PLAUR: variants seen among roughly 807,000 people sequenced by gnomAD.
The protein encoded by PLAUR is urokinase plasminogen activator surface receptor.
In PLAUR, 22 loss-of-function variants were observed where a neutral mutation model predicts 33.4. That is an observed-to-expected ratio of 0.66 (90% CI 0.47 to 0.94). The LOEUF is 0.94. PLAUR is among the 40% of genes least tolerant of loss of function. The pLI is 0.00. For missense variants in PLAUR, 408 were observed against 434.7 expected, an observed-to-expected ratio of 0.94 and a Z score of 0.55; for synonymous variants, 148 against 167.3, an observed-to-expected ratio of 0.88 and a Z score of 0.89.
chr19:43,658,547 G>A (rs1974303890), intron 3 of PLAUR, among the ~76,000 whole-genome samples: 1 of 152,034 alleles, frequency 6.6e-6, no homozygotes, highest in South Asian at 2.1e-4. Context: ...TGATCACTTC[G>A]CCTTTTGCAC....
At chr19:43,655,390 G>A in intron 5 of PLAUR, 49 bp downstream of exon 5, 3 of 1,595,954 alleles carry the variant, frequency 1.9e-6, no homozygotes, top group Non-Finnish European at 8.6e-7. Context: ...CTGCCTGAGT[G>A]CATGCCCCTG....
chr19:43,652,252 G>C lies in PLAUR; in HGVS notation c.727C>G (p.Gln243Glu). ...FLIDCRGPMN[Q>E]CLVATGTHEP... is the part of the protein sequence containing the mutation. ...TGAGTGCCGGTGGCTACCAGACATT[G>C]ATTCATGGGGCCTCGGCAGTCAATG... is the stretch of plus-strand genomic sequence containing the variant. Residue 243 changes from glutamine to glutamate, a missense_variant, in exon 6 of 7, where the codon CAA becomes GAA. By Grantham distance (29) the Gln-to-Glu change is conservative. Coordinates refer to ENST00000340093, the MANE Select transcript of PLAUR (RefSeq NM_002659.4). 4 of 1,614,104 alleles carry C rather than the reference G, an allele frequency of 2.5e-6. No individual in the cohort carries two copies. The highest frequency in any genetic ancestry group is 3.4e-6 in the Non-Finnish European group (4 of 1,180,000).
Position 43,655,478 on chromosome 19 carries a change from G to A in PLAUR, c.568C>T (p.Leu190=), listed in dbSNP as rs763830901. Residue 190 remains leucine (L), a synonymous_variant, in exon 5 of 7, where the codon CTG becomes TTG. Coordinates refer to ENST00000340093, the MANE Select transcript of PLAUR (RefSeq NM_002659.4). ...CATTTGGTGGTGTTGCAGCATTTCAGGAAGTGGAAGGTGTCGTTGTTGTGG... is the reference window on the plus strand; with the variant it reads ...CATTTGGTGGTGTTGCAGCATTTCAAGAAGTGGAAGGTGTCGTTGTTGTGG... ...GFHNNDTFHF[L]KCCNTTKCNE... is the part of the protein sequence containing the mutation. 9.9e-6 allele frequency: 16 copies of A among 1,614,184 alleles called. No individual in the cohort carries two copies. The East Asian group carries it at 3.1e-4, about 31-fold the overall frequency.
At chr19:43,659,193 C>A (rs1223051140) in intron 3 of PLAUR, among the ~76,000 whole-genome samples, 2 of 49,506 alleles carry the variant, frequency 4.0e-5, no homozygotes, top group East Asian at 1.3e-3. Flanking sequence ...GAGATAGGGT[C>A]TTGCTCTGTC....
At chr19:43,660,974 C>T (rs1157033574) in intron 3 of PLAUR, 4 of 152,060 alleles carry the variant, frequency 2.6e-5, no homozygotes, top group Admixed American at 2.6e-4. Context: ...AGATGCTTAC[C>T]AAGGCCTCTT....
rs201323349 is a variant in PLAUR at position 43,667,696 on chromosome 19, G to A, written c.56-5C>T. The A allele has an allele frequency of 2.4e-4, 382 of 1,613,486 alleles. No individual in the cohort carries two copies. Among genetic ancestry groups the A allele is most frequent in the Non-Finnish European group, 3.1e-4 (368 of 1,179,800 alleles). ...TGCACCGCAGGCCCCAAGAGGCTGGGGGAAGGAGGGAGAGGAGAGGAGAGG... is the reference window on the plus strand; with the variant it reads ...TGCACCGCAGGCCCCAAGAGGCTGGAGGAAGGAGGGAGAGGAGAGGAGAGG... On this transcript the variant is annotated splice_polypyrimidine_tract_variant and splice_region_variant and intron_variant, in intron 1 of 6. Transcript: ENST00000340093.
intron 3 of PLAUR, among the ~76,000 whole-genome samples, chr19:43,662,294 G>A (rs986386270): frequency 6.2e-4 from 94 of 151,938 alleles, no homozygotes; most frequent in African/African-American, 2.1e-3. Context: ...TCAAGAGTTC[G>A]AGACCAGCCT....
At chr19:43,659,391 G>T (rs948987124) in intron 3 of PLAUR, among the ~76,000 whole-genome samples, 5 of 151,984 alleles carry the variant, frequency 3.3e-5, no homozygotes, top group Non-Finnish European at 1.5e-5. Flanking sequence ...GGACTCAAAT[G>T]ATCCTGCCGC....
At chr19:43,655,613 G>C (rs745641273) in intron 4 of PLAUR, 40 bp from the exon 5 acceptor site, 2 of 1,588,798 alleles carry the variant, frequency 1.3e-6, no homozygotes, top group South Asian at 2.2e-5. Flanking sequence ...GTCAGATTGT[G>C]AATGAGGGAC....
Position 43,656,607 on chromosome 19 carries a change from A to G in PLAUR, c.344T>C (p.Leu115Pro). The G allele has an allele frequency of 6.2e-7, 1 of 1,610,172 alleles. No individual in the cohort carries two copies. The highest frequency in any genetic ancestry group is 8.5e-7 in the Non-Finnish European group (1 of 1,177,752). ...TGATGAGCCACAGGAAATGCATTCGAGGTAACGGCTTCGGGAATAGGTGAC... is the reference window on the plus strand; with the variant it reads ...TGATGAGCCACAGGAAATGCATTCGGGGTAACGGCTTCGGGAATAGGTGAC... ...RAVTYSRSRY[L>P]ECISCGSSDM... is the part of the protein sequence containing the mutation. Residue 115 changes from leucine to proline, a missense_variant, in exon 4 of 7, where the codon CTC becomes CCC. Leu to Pro is a moderately conservative substitution (Grantham distance 98). Transcript: ENST00000340093.
chr19:43,656,080 C>T (rs1333662032), intron 4 of PLAUR, among the ~76,000 whole-genome samples: 1 of 151,878 alleles, frequency 6.6e-6, no homozygotes, highest in Non-Finnish European at 1.5e-5. Flanking sequence ...TGGTGAAACC[C>T]CATCTCTACT....
At chr19:43,650,289 G>A (rs374113625) in intron 6 of PLAUR, among the ~76,000 whole-genome samples, 3 of 150,166 alleles carry the variant, frequency 2.0e-5, no homozygotes, top group Admixed American at 6.6e-5. Flanking sequence ...TATTACAGGC[G>A]TGAGCCACCG....
chr19:43,654,304 A>G (rs1286862678), intron 5 of PLAUR, among the ~76,000 whole-genome samples: 1 of 151,754 alleles, frequency 6.6e-6, no homozygotes, highest in Non-Finnish European at 1.5e-5. Context: ...GAAAACACAA[A>G]ACCCCAAAAA....
chr19:43,668,086 G>A (rs1008244892), intron 1 of PLAUR: 2 of 1,031,902 alleles, frequency 1.9e-6, no homozygotes, highest in African/African-American at 3.4e-5. Context: ...GTTCTGCTGG[G>A]GACGTTCTAG....
downstream of PLAUR, among the ~76,000 whole-genome samples, chr19:43,647,999 C>T (rs4251931): frequency 0.12 from 17,063 of 140,404 alleles, 1,893 homozygotes; most frequent in African/African-American, 0.3. Flanking sequence ...GGGTGCTTAT[C>T]TAGGTTCGGA....
At chr19:43,668,984 C>A (rs1347443144) in intron 1 of PLAUR, among the ~76,000 whole-genome samples, 1 of 152,212 alleles carries the variant, frequency 6.6e-6, no homozygotes, top group African/African-American at 2.4e-5. Context: ...AGGCCCGGTC[C>A]CCGACCTCCG....
intron 3 of PLAUR, among the ~76,000 whole-genome samples, chr19:43,660,153 C>CGTTTTGTTTTGTTTTGTTTT (rs10524578): frequency 8.1e-5 from 12 of 148,354 alleles, no homozygotes; most frequent in South Asian, 4.2e-4. Flanking sequence ...CAGAGTCTTG[C>CGTTTTGTTTTGTTTTGTTTT]GTTTTGTTTT....
intron 1 of PLAUR, 124 bp from the exon 2 acceptor site, chr19:43,667,815 A>G (rs758944095): frequency 6.8e-7 from 1 of 1,480,600 alleles, no homozygotes; most frequent in Non-Finnish European, 9.0e-7. Context: ...ATTCGTGTCC[A>G]TGTTCTGCTG....
chr19:43,649,125 T>C lies in PLAUR; in HGVS notation c.773A>G (p.Tyr258Cys). Reference sequence around the variant, plus strand: ...GGCGGTTGCACAGCCTCTTACCATATAGCTTTGGTTTTTCGGTTCTGAGGA... The same window carrying C: ...GGCGGTTGCACAGCCTCTTACCATACAGCTTTGGTTTTTCGGTTCTGAGGA... Reference protein sequence around the residue: ...TGTHEPKNQSYMVRGCATASM... With the variant: ...TGTHEPKNQSCMVRGCATASM... The change falls in exon 7 of 7, where the codon TAT becomes TGT. Residue 258 changes from tyrosine to cysteine, a missense_variant. Tyr to Cys is a radical substitution (Grantham distance 194). Coordinates refer to ENST00000340093, the MANE Select transcript of PLAUR (RefSeq NM_002659.4). 1 of 1,607,428 alleles carries C rather than the reference T, an allele frequency of 6.2e-7. No homozygotes were observed. The highest frequency in any genetic ancestry group is 8.5e-7 in the Non-Finnish European group (1 of 1,174,318).
Sources: gnomAD v4.1 joint callset for allele counts (sites outside exome capture counted in the v4.1 genomes callset) on GRCh38, gnomAD v4.1.1 for gene constraint, MANE v1.5 for transcripts, NCBI Gene and HGNC (gene_info 2026-07-23, HGNC 2026-07-21) for gene names.